CEP112: variants seen among roughly 807,000 people sequenced by gnomAD.
CEP112 encodes the protein centrosomal protein of 112 kDa.
Under a neutral mutation model 153.0 loss-of-function variants are expected in CEP112, and 127 were observed. The observed-to-expected ratio is 0.83, with a 90% CI of 0.72 to 0.96. The LOEUF (loss-of-function observed/expected upper bound fraction) is 0.96, where lower values mean the gene tolerates loss of function less well. Among genes scored for constraint, CEP112 ranks in the 40% least tolerant of loss-of-function variants. The pLI is 0.00. For synonymous variants in CEP112, 358 were observed against 374.4 expected, an observed-to-expected ratio of 0.96 and a Z score of 0.51; for missense variants, 1,089 against 1,101.2, an observed-to-expected ratio of 0.99 and a Z score of 0.16.
intron 21 of CEP112, among the ~76,000 whole-genome samples, chr17:65,813,357 G>C (rs1057201558): frequency 6.6e-6 from 1 of 152,164 alleles, no homozygotes; most frequent in Non-Finnish European, 1.5e-5. Flanking sequence ...TGGGCAATGA[G>C]GAATTAGGAA....
At chr17:65,729,412 A>G (rs1045990638) in intron 23 of CEP112, among the ~76,000 whole-genome samples, 1 of 152,060 alleles carries the variant, frequency 6.6e-6, no homozygotes, top group African/African-American at 2.4e-5. Context: ...GCTGGTGCAA[A>G]AGTAATTGCG....
At chr17:65,667,813 T>C (rs1484541447) in intron 24 of CEP112, among the ~76,000 whole-genome samples, 1 of 151,714 alleles carries the variant, frequency 6.6e-6, no homozygotes, top group Non-Finnish European at 1.5e-5. Context: ...GCAGGACCCA[T>C]GGAAGCTCAC....
intron 21 of CEP112, among the ~76,000 whole-genome samples, chr17:65,813,910 A>T (rs533826015): frequency 1.3e-5 from 2 of 152,316 alleles, no homozygotes; most frequent in South Asian, 4.1e-4. Context: ...GTCAACGTTT[A>T]ACACAAACAA....
intron 20 of CEP112, among the ~76,000 whole-genome samples, chr17:65,855,344 G>A (rs1419302478): frequency 6.6e-6 from 1 of 152,192 alleles, no homozygotes; most frequent in Non-Finnish European, 1.5e-5. Context: ...CTCCTTGGGT[G>A]AGGAGTTGAA....
intron 21 of CEP112, among the ~76,000 whole-genome samples, chr17:65,808,418 T>C (rs775213786): frequency 6.6e-6 from 1 of 152,020 alleles, no homozygotes; most frequent in Admixed American, 6.6e-5. Flanking sequence ...GAGGGCATGA[T>C]TGGTTTTGAA....
intron 4 of CEP112, among the ~76,000 whole-genome samples, chr17:66,153,379 G>A: frequency 7.3e-6 from 1 of 136,078 alleles, no homozygotes; most frequent in Non-Finnish European, 1.6e-5. Flanking sequence ...ACTGATACAA[G>A]AAACAATATG....
chr17:65,814,525 A>G (rs1339942796), intron 21 of CEP112, among the ~76,000 whole-genome samples: 1 of 152,200 alleles, frequency 6.6e-6, no homozygotes, highest in East Asian at 1.9e-4. Context: ...ATAAACCTTT[A>G]CAACAATGCT....
intron 18 of CEP112, among the ~76,000 whole-genome samples, chr17:65,927,995 T>C (rs571975891): frequency 3.5e-4 from 54 of 152,314 alleles, no homozygotes; most frequent in Admixed American, 7.2e-4. Flanking sequence ...CCTTGGTATG[T>C]GCTGAATGAG....
chr17:65,888,205 A>G (rs1178267733), intron 20 of CEP112, among the ~76,000 whole-genome samples: 2 of 152,164 alleles, frequency 1.3e-5, no homozygotes, highest in African/African-American at 2.4e-5. Context: ...TACGTACAAT[A>G]GCTATTTTCC....
At chr17:65,970,674 A>G (rs1324206359) in intron 17 of CEP112, among the ~76,000 whole-genome samples, 2 of 151,852 alleles carry the variant, frequency 1.3e-5, no homozygotes, top group African/African-American at 2.4e-5. Flanking sequence ...TGCATATTAC[A>G]CGCATATCAC....
At chr17:65,968,643 T>C (rs2062503469) in intron 17 of CEP112, among the ~76,000 whole-genome samples, 1 of 152,210 alleles carries the variant, frequency 6.6e-6, no homozygotes, top group Non-Finnish European at 1.5e-5. Flanking sequence ...CTCATCACAG[T>C]TAGGGCAGTT....
At chr17:65,867,428 C>T (rs1017413858) in intron 20 of CEP112, among the ~76,000 whole-genome samples, 1 of 152,174 alleles carries the variant, frequency 6.6e-6, no homozygotes. Context: ...GAAGCAACAC[C>T]CCAAGGATCC....
chr17:66,145,465 A>G (rs2070881792), intron 4 of CEP112, among the ~76,000 whole-genome samples: 1 of 152,100 alleles, frequency 6.6e-6, no homozygotes, highest in Non-Finnish European at 1.5e-5. Flanking sequence ...CCAACGTCAC[A>G]GAGATTTTCT....
chr17:65,713,277 C>A (rs137909414), intron 23 of CEP112, among the ~76,000 whole-genome samples: 1 of 152,144 alleles, frequency 6.6e-6, no homozygotes, highest in Non-Finnish European at 1.5e-5. Context: ...AAAATTATTA[C>A]GTAGCCTTCT....
intron 24 of CEP112, among the ~76,000 whole-genome samples, chr17:65,682,899 G>A (rs530834306): frequency 1.3e-5 from 2 of 152,316 alleles, no homozygotes; most frequent in East Asian, 3.9e-4. Flanking sequence ...AGTTTTTGAA[G>A]TATTTTTACA....
At chr17:66,003,195 T>A (rs12451241) in intron 17 of CEP112, among the ~76,000 whole-genome samples, 62,488 of 152,094 alleles carry the variant, frequency 0.41, 14,313 homozygotes, top group East Asian at 0.87. Flanking sequence ...GATGGATAAA[T>A]AATCTACAGA....
intron 6 of CEP112, among the ~76,000 whole-genome samples, chr17:66,100,928 C>T (rs929614401): frequency 1.8e-4 from 27 of 152,058 alleles, no homozygotes; most frequent in African/African-American, 6.5e-4. Flanking sequence ...TGTACAAATA[C>T]TGCACTACTT....
chr17:65,879,653 A>G (rs762895301), intron 20 of CEP112, among the ~76,000 whole-genome samples: 1 of 152,182 alleles, frequency 6.6e-6, no homozygotes, highest in Non-Finnish European at 1.5e-5. Context: ...AGAGAATAGA[A>G]CTTAAAAAGC....
chr17:65,764,209 C>T (rs963054196), intron 21 of CEP112, among the ~76,000 whole-genome samples: 20 of 152,072 alleles, frequency 1.3e-4, no homozygotes, highest in African/African-American at 4.6e-4. Flanking sequence ...AATTTAGGTG[C>T]TTGTAAAACC....
Sources: allele counts gnomAD v4.1 joint callset (sites outside exome capture counted in the v4.1 genomes callset), GRCh38; gene constraint gnomAD v4.1.1; transcripts MANE v1.5; gene names NCBI Gene and HGNC (gene_info 2026-07-23, HGNC 2026-07-21).